The following RABGAP1L variants were observed in gnomAD, a reference collection of about 807,000 sequenced individuals.
RABGAP1L encodes the protein RAB GTPase activating protein 1 like, also known as rab GTPase-activating protein 1-like.
RABGAP1L carries 63 observed loss-of-function variants against 137.7 expected under a neutral mutation model. The ratio of observed to expected loss-of-function variants is 0.46; its 90% CI spans 0.37 to 0.56. RABGAP1L has a LOEUF of 0.56. Ranked by LOEUF, RABGAP1L falls within the 20% of genes least tolerant of loss-of-function variation. The pLI, the probability that RABGAP1L is intolerant of heterozygous loss-of-function variation, is 0.00. For synonymous variants in RABGAP1L, 431 were observed against 433.7 expected (o/e 0.99, Z 0.08); for missense variants, 1,095 against 1,244.0 (o/e 0.88, Z 1.80).
In RABGAP1L at chr1:174,743,016, C is replaced by T. The variant is rs563838000; in HGVS notation, c.2170-9297C>T. On this transcript the variant is annotated intron_variant, in intron 17 of 25. Transcript: ENST00000681986. ...ACATATGATGAATATGTTACCACAACACCAGGGGTTCAGTCTAGGTCCTGC... is the reference window on the plus strand; with the variant it reads ...ACATATGATGAATATGTTACCACAATACCAGGGGTTCAGTCTAGGTCCTGC... 1.1e-4 allele frequency among the ~76,000 whole-genome samples: 16 copies of T among 152,268 alleles called. No individual in the cohort carries two copies. The South Asian group carries it at 1.5e-3, about 14-fold the overall frequency.
In RABGAP1L at chr1:174,448,722, C is replaced by T; in HGVS notation, c.1710+54577C>T. 2 of 1,613,934 alleles carry T rather than the reference C, an allele frequency of 1.2e-6. No individual in the cohort carries two copies. The highest frequency in any genetic ancestry group is 1.7e-6 in the Non-Finnish European group (2 of 1,179,868). On this transcript the variant is annotated intron_variant, in intron 13 of 25. Transcript: ENST00000681986. This position sits in a 1 kb window ranked among gnomAD's most constrained non-coding sequence, Gnocchi z 4.2. ...TCTTGGCTCACCAGTGCCTATTTTA[C>T]TGGCTTTATTGTTTGTTTACTTTAT...
At chr1:174,802,296 C>T (rs1170474454) in intron 18 of RABGAP1L, among the ~76,000 whole-genome samples, 1 of 152,140 alleles carries the variant, frequency 6.6e-6, no homozygotes, top group Non-Finnish European at 1.5e-5. Context: ...AATAATGCCA[C>T]CTGCATTATG....
intron 11 of RABGAP1L, among the ~76,000 whole-genome samples, chr1:174,318,537 A>G (rs987156156): frequency 1.3e-5 from 2 of 151,952 alleles, no homozygotes; most frequent in Non-Finnish European, 2.9e-5. Flanking sequence ...TATTCGAGAT[A>G]TTTATCTTTA....
chr1:174,302,031 T>C (rs529414359), intron 10 of RABGAP1L, among the ~76,000 whole-genome samples: 12 of 152,338 alleles, frequency 7.9e-5, no homozygotes, highest in African/African-American at 2.4e-4. Flanking sequence ...CTCCTGCCAC[T>C]GTCAATATAA....
intron 13 of RABGAP1L, among the ~76,000 whole-genome samples, chr1:174,479,739 G>A (rs2149327682): frequency 6.6e-6 from 1 of 152,204 alleles, no homozygotes; most frequent in East Asian, 1.9e-4. Flanking sequence ...ATATACCAAT[G>A]GTGAAGACCA....
chr1:174,551,290 A>C (rs139431665), intron 13 of RABGAP1L, among the ~76,000 whole-genome samples: 2,043 of 151,908 alleles, frequency 0.013, 46 homozygotes, highest in African/African-American at 0.045. Context: ...GGTAGATCCC[A>C]TCCTGGGCCA....
chr1:174,302,538 T>G (rs1677813639), intron 10 of RABGAP1L, among the ~76,000 whole-genome samples: 1 of 152,194 alleles, frequency 6.6e-6, no homozygotes, highest in Non-Finnish European at 1.5e-5. Flanking sequence ...TCTTGATAAA[T>G]CTGTTTTCCA....
intron 6 of RABGAP1L, 102 bp downstream of exon 6, chr1:174,250,734 A>G (rs748810546): frequency 8.9e-5 from 88 of 986,854 alleles, no homozygotes; most frequent in Non-Finnish European, 1.2e-4. Flanking sequence ...TAAAGCCTCA[A>G]ACTGATAAAT....
At chr1:174,343,339 G>C (rs1682147694) in intron 11 of RABGAP1L, among the ~76,000 whole-genome samples, 1 of 152,136 alleles carries the variant, frequency 6.6e-6, no homozygotes, top group Non-Finnish European at 1.5e-5. Context: ...ATGGAGATCT[G>C]TTTTTGTATA....
intron 14 of RABGAP1L, among the ~76,000 whole-genome samples, chr1:174,675,753 G>A (rs1305718168): frequency 6.6e-6 from 1 of 152,110 alleles, no homozygotes; most frequent in East Asian, 1.9e-4. Context: ...TTCAGGCCAC[G>A]TGCTGAATTA....
chr1:174,863,360 A>G (rs889956926), intron 19 of RABGAP1L, among the ~76,000 whole-genome samples: 4 of 151,864 alleles, frequency 2.6e-5, no homozygotes, highest in African/African-American at 9.7e-5. Flanking sequence ...TACCCTATCA[A>G]TGATATTTGC....
intron 13 of RABGAP1L, among the ~76,000 whole-genome samples, chr1:174,509,329 C>T (rs940499726): frequency 1.3e-5 from 2 of 152,000 alleles, no homozygotes; most frequent in African/African-American, 2.4e-5. Context: ...AAATTAAAAA[C>T]ATTCATTTTT....
chr1:174,482,562 C>A (rs1228205602), intron 13 of RABGAP1L, among the ~76,000 whole-genome samples: 1 of 152,194 alleles, frequency 6.6e-6, no homozygotes, highest in Non-Finnish European at 1.5e-5. Flanking sequence ...ACAATCTGGG[C>A]TCACTGCAGC....
At chr1:174,269,120 T>G (rs1044101891) in intron 7 of RABGAP1L, among the ~76,000 whole-genome samples, 6 of 152,098 alleles carry the variant, frequency 3.9e-5, no homozygotes, top group African/African-American at 1.2e-4. Context: ...TTTTTTTGTA[T>G]TTTTAGTAGA....
At chr1:174,856,148 G>T (rs928031780) in intron 19 of RABGAP1L, among the ~76,000 whole-genome samples, 3 of 152,174 alleles carry the variant, frequency 2.0e-5, no homozygotes, top group African/African-American at 7.2e-5. Context: ...TGTAATCCCA[G>T]CACTTTGGGA....
intron 19 of RABGAP1L, among the ~76,000 whole-genome samples, chr1:174,926,210 T>C (rs932249770): frequency 1.3e-5 from 2 of 152,186 alleles, no homozygotes; most frequent in African/African-American, 4.8e-5. Flanking sequence ...TATAAATCTT[T>C]GATGTCTAGT....
At chr1:174,390,324 G>A (rs1186450331) in intron 12 of RABGAP1L, among the ~76,000 whole-genome samples, 1 of 152,050 alleles carries the variant, frequency 6.6e-6, no homozygotes, top group Non-Finnish European at 1.5e-5. Flanking sequence ...AGTGGCTGAG[G>A]GTCAGCTAGA....
At chr1:174,611,965 T>TGA (rs1671294633) in intron 13 of RABGAP1L, among the ~76,000 whole-genome samples, 1 of 152,152 alleles carries the variant, frequency 6.6e-6, no homozygotes, top group African/African-American at 2.4e-5. Flanking sequence ...GGCTGAGACA[T>TGA]TGGGGTTTCT....
chr1:174,575,433 C>T (rs1486612046), intron 13 of RABGAP1L, among the ~76,000 whole-genome samples: 1 of 152,068 alleles, frequency 6.6e-6, no homozygotes, highest in Non-Finnish European at 1.5e-5. Context: ...AGGAAGTAAG[C>T]CAGAAGGAAC....
Sources: allele counts gnomAD v4.1 joint callset (sites outside exome capture counted in the v4.1 genomes callset), GRCh38; gene constraint gnomAD v4.1.1; non-coding constraint Gnocchi (gnomAD v3.1); transcripts MANE v1.5; gene names NCBI Gene and HGNC (gene_info 2026-07-23, HGNC 2026-07-21).